The following MBP variants were observed in gnomAD, a reference collection of about 807,000 sequenced individuals.
MBP encodes myelin basic protein.
In MBP, 16 loss-of-function variants were observed where a neutral mutation model predicts 35.8. The ratio of observed to expected loss-of-function variants is 0.45; its 90% CI spans 0.30 to 0.68. The LOEUF (loss-of-function observed/expected upper bound fraction) is 0.68, where lower values mean the gene tolerates loss of function less well. MBP is among the 30% of genes least tolerant of loss of function. The pLI is 0.08. For missense variants in MBP, 380 were observed against 404.7 expected (o/e 0.94, Z 0.52); for synonymous variants, 143 against 159.6 (o/e 0.90, Z 0.78).
rs1973173739 is a variant in MBP, at chr18:77,044,958, TGTG to T, written c.139+21337_139+21339del. ...GAGAACATGAGTGTGTGTGTGTAAG[TGTG>T]GTGTGTGAGTGTGGAGTGTGTGAGT... On this transcript the variant is annotated intron_variant, in intron 3 of 8. Coordinates refer to ENST00000355994, the MANE Select transcript of MBP (RefSeq NM_001025101.2). The surrounding 1 kb of genome is among the most constrained non-coding windows in gnomAD (Gnocchi z 4.4). Among the ~76,000 whole-genome samples the T allele has an allele frequency of 1.6e-5, 2 of 126,126 alleles. No individual in the cohort carries two copies. The highest frequency in any genetic ancestry group is 3.5e-5 in the Non-Finnish European group (2 of 57,376). 82.7% of individuals were successfully genotyped at this position (126,126 alleles called of 152,430 possible). A position where few individuals can be genotyped will look rare whatever the true frequency, so the allele number is the denominator to read the frequency against.
rs114134344 is a variant in MBP at position 77,084,856 on chromosome 18, T to C, written c.52-18471A>G. 3.0e-3 allele frequency among the ~76,000 whole-genome samples: 459 copies of C among 152,288 alleles called. 5 individuals are homozygous for C. The highest frequency in any genetic ancestry group is 0.01 in the African/African-American group (428 of 41,542). On this transcript the variant is annotated intron_variant, in intron 2 of 8. Transcript: ENST00000355994. Reference sequence around the variant, plus strand: ...TGTTATGTAACTGGACATACTTCTATTTTAGGAACACAAAATACTCTGCCA... The same window carrying C: ...TGTTATGTAACTGGACATACTTCTACTTTAGGAACACAAAATACTCTGCCA...
At position 76,985,905 on chromosome 18, in the gene MBP, G is replaced by C. The variant is rs537458529; in HGVS notation, c.751-1011C>G. ...TGCCCTGGCCTCATCAGCCCCAGCA[G>C]CCCCTCTGGCTTCCTCATGGGCCGT... is the stretch of plus-strand genomic sequence containing the variant. On this transcript the variant is annotated intron_variant, in intron 7 of 8. Transcript: ENST00000355994. 22 of 986,614 alleles carry C rather than the reference G, an allele frequency of 2.2e-5. No homozygotes were observed. The Admixed American group carries it at 1.3e-3, about 57-fold the overall frequency. The allele number at this position is 986,614 out of a possible 1,614,324, so 61.1% of individuals were successfully genotyped here.
At chr18:76,985,558 G>T (rs1969502360) in intron 7 of MBP, 2 of 1,104,008 alleles carry the variant, frequency 1.8e-6, no homozygotes, top group East Asian at 7.3e-5. Context: ...CCATAGCTCG[G>T]ACTGGGAGCA....
chr18:77,044,373 G>A lies in MBP; in HGVS notation c.139+21925C>T, dbSNP rs923002837. Among the ~76,000 whole-genome samples, 3 of 151,904 alleles carry A rather than the reference G, an allele frequency of 2.0e-5. No homozygotes were observed. The highest frequency in any genetic ancestry group is 7.3e-5 in the African/African-American group (3 of 41,330). ...CTCCCCCAACTCTGCTGCAGCTGCCGTGGTGCCAGCCCCCTGCCCCTCTCC... is the reference window on the plus strand; with the variant it reads ...CTCCCCCAACTCTGCTGCAGCTGCCATGGTGCCAGCCCCCTGCCCCTCTCC... On this transcript the variant is annotated intron_variant, in intron 3 of 8. Transcript: ENST00000355994. The surrounding 1 kb of genome is among the most constrained non-coding windows in gnomAD (Gnocchi z 4.4).
chr18:77,080,000 A>T (rs1213938331), intron 2 of MBP, among the ~76,000 whole-genome samples: 1 of 152,234 alleles, frequency 6.6e-6, no homozygotes, highest in Non-Finnish European at 1.5e-5. Flanking sequence ...GGATGGAAAA[A>T]AACGCATGTT....
At chr18:77,051,287 C>T (rs1286648158) in intron 3 of MBP, among the ~76,000 whole-genome samples, 1 of 152,194 alleles carries the variant, frequency 6.6e-6, no homozygotes, top group African/African-American at 2.4e-5. Context: ...AGGTTCTTAC[C>T]TTTCACTTGC....
intron 4 of MBP, chr18:77,016,614 T>A: frequency 1.4e-6 from 2 of 1,408,556 alleles, no homozygotes; most frequent in Admixed American, 2.9e-5. Flanking sequence ...CCGGCCACCA[T>A]CCCTTGTGAG....
chr18:77,028,628 C>T (rs1365556118), intron 3 of MBP, among the ~76,000 whole-genome samples: 1 of 78,444 alleles, frequency 1.3e-5, no homozygotes, highest in Non-Finnish European at 3.4e-5. Context: ...GGCTGACCCC[C>T]CCCCACCTCC....
In MBP at chr18:77,105,240, G is replaced by A; in HGVS notation, c.22C>T (p.Arg8Ter). 1.9e-6 allele frequency: 3 copies of A among 1,612,474 alleles called. No individual in the cohort carries two copies. The highest frequency in any genetic ancestry group is 1.1e-5 in the South Asian group (1 of 91,064). Residue 8 changes from arginine to a stop codon, truncating the protein, a stop_gained, in exon 2 of 9, where the codon CGA (arginine) becomes TGA (stop). Transcript: ENST00000355994. LOFTEE classifies it high-confidence loss of function. ...CTGGCCTTCTCGGCATTTAATTCTC[G>A]TTTGCCTGCGTGGTTTCCCATCCTG... MGNHAGK[R>*]ELNAEKASTN...
rs1976783268 is a variant in MBP, at chr18:77,118,659, CA to C, written c.-25-13374del. 5.0e-5 allele frequency among the ~76,000 whole-genome samples: 7 copies of C among 138,866 alleles called. No individual in the cohort carries two copies. The East Asian group carries it at 1.2e-3, about 24-fold the overall frequency. 91.1% of individuals were successfully genotyped at this position (138,866 alleles called of 152,430 possible). On this transcript the variant is annotated intron_variant, in intron 1 of 8. Transcript: ENST00000355994. ...ACACACTACACACCACACACACACA[CA>C]CACTACATACCACACACACACACCA...
intron 3 of MBP, 124 bp from the exon 4 acceptor site, chr18:77,017,392 C>A: frequency 1.2e-6 from 1 of 853,976 alleles, no homozygotes; most frequent in Non-Finnish European, 1.6e-6. Flanking sequence ...GTGCAGTCCT[C>A]ATAAAGCCCT....
chr18:77,001,780 G>T (rs573161959), intron 4 of MBP, among the ~76,000 whole-genome samples: 1 of 152,244 alleles, frequency 6.6e-6, no homozygotes, highest in South Asian at 2.1e-4. Context: ...AACCTGGGAG[G>T]CGGAGGTTGC....
At chr18:77,095,349 A>G (rs1029480799) in intron 2 of MBP, 3 of 152,204 alleles carry the variant, frequency 2.0e-5, no homozygotes, top group South Asian at 2.1e-4. Context: ...TTCTCAAAAA[A>G]TCTGCTTATG....
intron 3 of MBP, 62 bp downstream of exon 3, chr18:77,066,236 T>G: frequency 8.1e-7 from 1 of 1,227,008 alleles, no homozygotes; most frequent in Non-Finnish European, 1.2e-6. Context: ...CTTCCCCGAG[T>G]GAGAGTGCAG....
intron 1 of MBP, among the ~76,000 whole-genome samples, chr18:77,118,778 CCA>C (rs894257298): frequency 1.3e-5 from 2 of 148,732 alleles, no homozygotes; most frequent in African/African-American, 2.5e-5. Flanking sequence ...ACTCCAGATG[CCA>C]CACACACTCC....
chr18:77,037,802 T>C (rs1972838109), intron 3 of MBP, among the ~76,000 whole-genome samples: 1 of 152,110 alleles, frequency 6.6e-6, no homozygotes. Context: ...CGGTACCAAG[T>C]GCTGGTGACA....
rs1275938484 is a variant in MBP at position 76,989,170 on chromosome 18, T to G, written c.682-258A>C. On this transcript the variant is annotated intron_variant, in intron 5 of 8. Coordinates refer to ENST00000355994, the MANE Select transcript of MBP (RefSeq NM_001025101.2). The surrounding 1 kb of genome is among the most constrained non-coding windows in gnomAD (Gnocchi z 4.0). ...AAACACCTCCCAGAGGCTCCGTAGCTGGGGAATGGGCCCATCTTGGGACAC... is the reference window on the plus strand; with the variant it reads ...AAACACCTCCCAGAGGCTCCGTAGCGGGGGAATGGGCCCATCTTGGGACAC... The G allele has an allele frequency of 1.5e-6, 1 of 657,642 alleles. No homozygotes were observed. Among genetic ancestry groups the G allele is most frequent in the East Asian group, 2.9e-5 (1 of 34,776 alleles). 40.7% of individuals were successfully genotyped at this position (657,642 alleles called of 1,614,324 possible).
In MBP at chr18:76,988,074, G is replaced by C. The variant is rs1249457591; in HGVS notation, c.750+421C>G. 1.2e-5 allele frequency: 17 copies of C among 1,455,546 alleles called. No homozygotes were observed. The highest frequency in any genetic ancestry group is 1.4e-5 in the Non-Finnish European group (16 of 1,106,348). The allele number at this position is 1,455,546 out of a possible 1,614,324, so 90.2% of individuals were successfully genotyped here. ...GTTCATCAGCAGAATCATTTTCCCAGTGTCAGCATCTGGGGTCACTGAGAC... is the reference window on the plus strand; with the variant it reads ...GTTCATCAGCAGAATCATTTTCCCACTGTCAGCATCTGGGGTCACTGAGAC... On this transcript the variant is annotated intron_variant, in intron 7 of 8. Coordinates refer to ENST00000355994, the MANE Select transcript of MBP (RefSeq NM_001025101.2). The surrounding 1 kb of genome is among the most constrained non-coding windows in gnomAD (Gnocchi z 5.2).
intron 3 of MBP, among the ~76,000 whole-genome samples, chr18:77,031,338 C>T (rs1972534520): frequency 6.6e-6 from 1 of 152,230 alleles, no homozygotes; most frequent in South Asian, 2.1e-4. Context: ...CCCTGCTGCC[C>T]ACCCTCTCAC....
Sources: gnomAD v4.1 joint callset for allele counts (sites outside exome capture counted in the v4.1 genomes callset) on GRCh38, gnomAD v4.1.1 for gene constraint, Gnocchi (gnomAD v3.1) non-coding constraint, MANE v1.5 for transcripts, NCBI Gene and HGNC (gene_info 2026-07-23, HGNC 2026-07-21) for gene names.